ADAM2: variants seen among roughly 807,000 people sequenced by gnomAD.
ADAM2 encodes disintegrin and metalloproteinase domain-containing protein 2.
In ADAM2, 101 loss-of-function variants were observed where a neutral mutation model predicts 99.3. The observed-to-expected ratio is 1.02, with a 90% CI of 0.87 to 1.20. ADAM2 has a LOEUF of 1.20. ADAM2 is among the 50% of genes most tolerant of loss of function. The pLI is 0.00. For missense variants in ADAM2, 948 were observed against 878.7 expected (o/e 1.08, Z -1.00); for synonymous variants, 323 against 287.6 (o/e 1.12, Z -1.25).
chr8:39,752,893 G>A (rs1563334884), intron 16 of ADAM2, among the ~76,000 whole-genome samples: 2 of 152,106 alleles, frequency 1.3e-5, no homozygotes, highest in Non-Finnish European at 2.9e-5. Flanking sequence ...CCCCAGCCAC[G>A]CGGAACTGTG....
At chr8:39,837,337 A>T (rs1586175198) in intron 1 of ADAM2, 125 bp from the exon 2 acceptor site, 12 of 563,272 alleles carry the variant, frequency 2.1e-5, no homozygotes, top group South Asian at 7.3e-5. Context: ...TTATCTTCCC[A>T]TTTCTTTCTA....
Position 39,773,517 on chromosome 8 carries a change from G to C in ADAM2, c.1028+3508C>G, listed in dbSNP as rs188560836. On this transcript the variant is annotated intron_variant, in intron 11 of 20. Transcript: ENST00000265708. ...AATTAATTTGATAAAATCTAAGTTA[G>C]AGTGATTATAAAAAGAAACTCAAAT... is the stretch of plus-strand genomic sequence containing the variant. 7.5e-4 allele frequency among the ~76,000 whole-genome samples: 114 copies of C among 151,792 alleles called. 2 individuals are homozygous for C. Among genetic ancestry groups the C allele is most frequent in the Non-Finnish European group, 3.1e-4 (21 of 67,696 alleles).
Position 39,821,089 on chromosome 8 carries a change from T to G in ADAM2, c.426A>C (p.Gln142His), listed in dbSNP as rs1345192884. ...AAACATCTGCTTTCTTATGTTTTAC[T>G]TGGTAAATTACATGTTCAAAGCCAA... ...SSVGFEHVIY[Q>H]VKHKKADVSL... is the part of the protein sequence containing the mutation. The change falls in exon 6 of 21, where the codon CAA (glutamine) becomes CAC (histidine). Residue 142 changes from glutamine to histidine, a missense_variant. Physicochemically the swap from Gln to His is conservative, Grantham distance 24. Coordinates refer to ENST00000265708, the MANE Select transcript of ADAM2 (RefSeq NM_001464.5). The G allele has an allele frequency of 6.2e-7, 1 of 1,610,008 alleles. No homozygotes were observed.
intron 7 of ADAM2, among the ~76,000 whole-genome samples, chr8:39,795,705 G>T (rs1803908749): frequency 6.6e-6 from 1 of 152,114 alleles, no homozygotes; most frequent in Admixed American, 6.6e-5. Flanking sequence ...TCCTAAGACT[G>T]TGTTAAGGGC....
At chr8:39,777,371 T>G (rs1803033132) in intron 10 of ADAM2, among the ~76,000 whole-genome samples, 1 of 152,012 alleles carries the variant, frequency 6.6e-6, no homozygotes, top group African/African-American at 2.4e-5. Flanking sequence ...GATGACTCAT[T>G]TGGTGGCCTC....
chr8:39,830,306 G>A (rs1805564449), intron 3 of ADAM2, among the ~76,000 whole-genome samples: 1 of 151,966 alleles, frequency 6.6e-6, no homozygotes, highest in Non-Finnish European at 1.5e-5. Context: ...TAAATAATGG[G>A]GTAATAAACT....
intron 7 of ADAM2, among the ~76,000 whole-genome samples, chr8:39,798,425 G>A (rs535261404): frequency 6.6e-6 from 1 of 151,924 alleles, no homozygotes; most frequent in East Asian, 1.9e-4. Flanking sequence ...TTGATGTGCT[G>A]TTAGATTTGG....
intron 7 of ADAM2, among the ~76,000 whole-genome samples, chr8:39,789,529 A>T (rs1285058503): frequency 1.3e-5 from 2 of 151,836 alleles, no homozygotes; most frequent in East Asian, 3.8e-4. Context: ...GGATTCACAT[A>T]TCTCAATTTC....
intron 14 of ADAM2, among the ~76,000 whole-genome samples, chr8:39,766,437 TC>T (rs1267516939): frequency 6.6e-6 from 1 of 151,384 alleles, no homozygotes; most frequent in Non-Finnish European, 1.5e-5. Context: ...GACAGTATTC[TC>T]TTTTTTTTTT....
intron 12 of ADAM2, among the ~76,000 whole-genome samples, chr8:39,767,536 G>C (rs973231062): frequency 6.6e-6 from 1 of 152,176 alleles, no homozygotes; most frequent in Non-Finnish European, 1.5e-5. Flanking sequence ...ACTGAGAAGA[G>C]CTCTGGCTCT....
chr8:39,787,588 T>C (rs1180233588), intron 9 of ADAM2, among the ~76,000 whole-genome samples: 1 of 150,900 alleles, frequency 6.6e-6, no homozygotes, highest in East Asian at 1.9e-4. Flanking sequence ...TATATGTATA[T>C]ATATTCTGAA....
Position 39,744,853 on chromosome 8 carries a change from G to C in ADAM2, c.*7C>G. The C allele has an allele frequency of 6.3e-7, 1 of 1,599,198 alleles. No homozygotes were observed. The highest frequency in any genetic ancestry group is 8.5e-7 in the Non-Finnish European group (1 of 1,173,506). On this transcript the variant is annotated 3_prime_UTR_variant, in exon 20 of 21. Coordinates refer to ENST00000265708, the MANE Select transcript of ADAM2 (RefSeq NM_001464.5). ...ACAGTGATATCATGGCATCTCTGTT[G>C]TCCAGACTACCCTTTAGGTTCACTC...
chr8:39,789,722 C>T (rs1371693008), intron 7 of ADAM2, among the ~76,000 whole-genome samples: 1 of 151,094 alleles, frequency 6.6e-6, no homozygotes, highest in Non-Finnish European at 1.5e-5. Context: ...AAACTTCCTG[C>T]TTCAAATGAC....
At chr8:39,797,147 G>A (rs147206482) in intron 7 of ADAM2, among the ~76,000 whole-genome samples, 1 of 152,288 alleles carries the variant, frequency 6.6e-6, no homozygotes, top group East Asian at 1.9e-4. Flanking sequence ...GAATGGTATT[G>A]CCTAGGTTTT....
At chr8:39,827,688 CAT>C (rs1396673616) in intron 3 of ADAM2, among the ~76,000 whole-genome samples, 1 of 152,054 alleles carries the variant, frequency 6.6e-6, no homozygotes, top group East Asian at 1.9e-4. Flanking sequence ...AATTCAAACT[CAT>C]AGAAGCAGAG....
chr8:39,799,779 C>A lies in ADAM2; in HGVS notation c.570+9631G>T, dbSNP rs565556927. On this transcript the variant is annotated intron_variant, in intron 7 of 20. Coordinates refer to ENST00000265708, the MANE Select transcript of ADAM2 (RefSeq NM_001464.5). Reference sequence around the variant, plus strand: ...CTTCTTGTCAAATTGTTCCCTTTACCCTTATGTAGTGTCCTTCTTTGTCTT... The same window carrying A: ...CTTCTTGTCAAATTGTTCCCTTTACACTTATGTAGTGTCCTTCTTTGTCTT... Among the ~76,000 whole-genome samples, 10 of 152,198 alleles carry A rather than the reference C, an allele frequency of 6.6e-5. No homozygotes were observed. The South Asian group carries it at 1.7e-3, about 25-fold the overall frequency.
intron 7 of ADAM2, among the ~76,000 whole-genome samples, chr8:39,799,155 G>C (rs943360122): frequency 6.6e-6 from 1 of 152,070 alleles, no homozygotes; most frequent in African/African-American, 2.4e-5. Context: ...GATCTTTCTA[G>C]CTTTCCAACA....
chr8:39,818,981 G>T (rs527345864), intron 6 of ADAM2, among the ~76,000 whole-genome samples: 2 of 151,954 alleles, frequency 1.3e-5, no homozygotes, highest in African/African-American at 4.8e-5. Context: ...TTTATCTACA[G>T]ATTCAACACA....
chr8:39,806,732 G>A (rs901561969), intron 7 of ADAM2, among the ~76,000 whole-genome samples: 1 of 152,090 alleles, frequency 6.6e-6, no homozygotes, highest in Non-Finnish European at 1.5e-5. Flanking sequence ...AGAACCAAAA[G>A]TTGAAGATTT....
Sources: gnomAD v4.1 joint callset for allele counts (sites outside exome capture counted in the v4.1 genomes callset) on GRCh38, gnomAD v4.1.1 for gene constraint, MANE v1.5 for transcripts, NCBI Gene and HGNC (gene_info 2026-07-23, HGNC 2026-07-21) for gene names.